PIEZO1: variants seen among roughly 807,000 people sequenced by gnomAD.
PIEZO1 encodes the protein piezo type mechanosensitive ion channel component 1 (Er blood group).
A neutral mutation model predicts 297.2 loss-of-function variants in PIEZO1; 296 were observed. That is an observed-to-expected ratio of 1.00 (90% CI 0.91 to 1.10). The LOEUF (loss-of-function observed/expected upper bound fraction) is 1.10. Ranked by LOEUF, PIEZO1 falls within the 50% of genes least tolerant of loss-of-function variation. The probability of loss-of-function intolerance (pLI) is 0.00; values close to 1 mark genes in which losing one functional copy is unlikely to be tolerated. For synonymous variants in PIEZO1, 2,427 were observed against 1,507.5 expected (o/e 1.61, Z -14.13); for missense variants, 5,018 against 3,455.5 (o/e 1.45, Z -11.34).
chr16:88,778,034 G>GT (rs1907746639), intron 1 of PIEZO1, among the ~76,000 whole-genome samples: 1 of 152,234 alleles, frequency 6.6e-6, no homozygotes, highest in Non-Finnish European at 1.5e-5. Context: ...CTGGGAATCT[G>GT]TTTAAGTCAC....
chr16:88,736,052 G>A (rs776348548), intron 12 of PIEZO1, 96 bp downstream of exon 12: 21 of 1,253,518 alleles, frequency 1.7e-5, no homozygotes, highest in African/African-American at 6.0e-5. Flanking sequence ...CCTTCTTGGC[G>A]CTGCCACTCC....
Position 88,719,886 on chromosome 16 carries a change from T to A in PIEZO1, c.6239A>T (p.Gln2080Leu). Residue 2080 changes from glutamine (Q) to leucine (L), a missense_variant, in exon 43 of 51, where the codon CAG becomes CTG. Gln to Leu is a moderately radical substitution (Grantham distance 113). Coordinates refer to ENST00000301015, the MANE Select transcript of PIEZO1 (RefSeq NM_001142864.4). ...KCIYFALSAY[Q>L]IRCGYPTRIL... ...GCGGGTGGGGTAGCCGCAGCGGATC[T>A]GGTAGGCGGACAGGGCGAAGTAGAT... 1 of 1,550,526 alleles carries A rather than the reference T, an allele frequency of 6.4e-7. No homozygotes were observed. The highest frequency in any genetic ancestry group is 8.7e-7 in the Non-Finnish European group (1 of 1,146,944).
chr16:88,720,286 G>A lies in PIEZO1; in HGVS notation c.5950-3C>T. ...ATGTCTGTGGCCGCCGAGTGCTTCT[G>A]TGGCCAGGAGAGCACAGGTCAGGGG... is the stretch of plus-strand genomic sequence containing the variant. On this transcript the variant is annotated splice_polypyrimidine_tract_variant and splice_region_variant and intron_variant, in intron 41 of 50. Coordinates refer to ENST00000301015, the MANE Select transcript of PIEZO1 (RefSeq NM_001142864.4). The A allele has an allele frequency of 6.5e-7, 1 of 1,550,352 alleles. No homozygotes were observed. The highest frequency in any genetic ancestry group is 1.2e-5 in the South Asian group (1 of 84,066).
Position 88,734,469 on chromosome 16 carries a change from G to C in PIEZO1, c.2067C>G (p.Phe689Leu). Residue 689 changes from phenylalanine to leucine, a missense_variant, in exon 16 of 51, where the codon TTC becomes TTG. Phe to Leu is a conservative substitution (Grantham distance 22). Transcript: ENST00000301015. Reference sequence around the variant, plus strand: ...GCTGCAGGATGCAGGCCAGGAGGAAGAAGCCGGGCACCAGGATGCTGGAGA... The same window carrying C: ...GCTGCAGGATGCAGGCCAGGAGGAACAAGCCGGGCACCAGGATGCTGGAGA... Reference protein sequence around the residue: ...ELFSSILVPGFFLLACILQLH... With the variant: ...ELFSSILVPGLFLLACILQLH... 6.5e-7 allele frequency: 1 copy of C among 1,549,948 alleles called. No homozygotes were observed. The highest frequency in any genetic ancestry group is 1.2e-5 in the South Asian group (1 of 84,052).
At chr16:88,775,347 G>A (rs569803481) in intron 1 of PIEZO1, among the ~76,000 whole-genome samples, 11 of 152,370 alleles carry the variant, frequency 7.2e-5, no homozygotes, top group Admixed American at 7.2e-4. Flanking sequence ...CCCACACAGG[G>A]AGAGGACGTT....
chr16:88,719,801 C>A lies in PIEZO1; in HGVS notation c.6323+1G>T, dbSNP rs1912300163. 1.9e-6 allele frequency: 3 copies of A among 1,550,398 alleles called. No individual in the cohort carries two copies. Among genetic ancestry groups the A allele is most frequent in the Non-Finnish European group, 2.6e-6 (3 of 1,146,950 alleles). On this transcript the variant is annotated splice_donor_variant, in intron 43 of 50. Transcript: ENST00000301015. LOFTEE classifies it high-confidence loss of function. Reference sequence around the variant, plus strand: ...CCCCACCCCGGCGGACCTGCACTCACCCCTGGAAGAGGAAGAGGTTGAGAT... The same window carrying A: ...CCCCACCCCGGCGGACCTGCACTCAACCCTGGAAGAGGAAGAGGTTGAGAT...
At chr16:88,767,681 G>A (rs563214072) in intron 1 of PIEZO1, among the ~76,000 whole-genome samples, 1 of 152,184 alleles carries the variant, frequency 6.6e-6, no homozygotes, top group Non-Finnish European at 1.5e-5. Context: ...CCCTGGCTCA[G>A]AGGAACCAGG....
At position 88,720,715 on chromosome 16, in the gene PIEZO1, TCCTC is replaced by T. The variant is rs1210955674; in HGVS notation, c.5698_5701del (p.Glu1900LysfsTer20). On this transcript the variant is annotated frameshift_variant, in exon 40 of 51. Coordinates refer to ENST00000301015, the MANE Select transcript of PIEZO1 (RefSeq NM_001142864.4). LOFTEE classifies it high-confidence loss of function. Reference sequence around the variant, plus strand: ...TCTCCCCGTGGGGGCCTCTTTCTCTTCCTCCCCCTCTTCTTCCTCCCTGTCCTCA... The same window carrying T: ...TCTCCCCGTGGGGGCCTCTTTCTCTTCCCCTCTTCTTCCTCCCTGTCCTCA... 2.6e-6 allele frequency: 4 copies of T among 1,529,096 alleles called. No individual in the cohort carries two copies. The highest frequency in any genetic ancestry group is 3.5e-6 in the Non-Finnish European group (4 of 1,137,982). 94.7% of individuals were successfully genotyped at this position (1,529,096 alleles called of 1,614,324 possible).
intron 19 of PIEZO1, chr16:88,733,003 C>G (rs1904970189): frequency 1.7e-6 from 1 of 582,620 alleles, no homozygotes; most frequent in Non-Finnish European, 3.0e-6. Flanking sequence ...CTGACTGTCT[C>G]TCCCTGTCCA....
At chr16:88,755,407 G>A (rs897284736) in intron 1 of PIEZO1, among the ~76,000 whole-genome samples, 1 of 152,148 alleles carries the variant, frequency 6.6e-6, no homozygotes, top group Non-Finnish European at 1.5e-5. Context: ...GTCCTCGTAC[G>A]TTTCTTCCTA....
chr16:88,770,418 G>T (rs899653435), intron 1 of PIEZO1, among the ~76,000 whole-genome samples: 16 of 152,348 alleles, frequency 1.1e-4, no homozygotes, highest in African/African-American at 3.6e-4. Flanking sequence ...TGGGGTGGGG[G>T]GACGGGAGCG....
intron 1 of PIEZO1, among the ~76,000 whole-genome samples, chr16:88,767,915 C>T (rs1209352988): frequency 6.6e-6 from 1 of 152,216 alleles, no homozygotes; most frequent in Non-Finnish European, 1.5e-5. Flanking sequence ...TCGCAGACTT[C>T]CCGGGCTCCC....
At chr16:88,776,310 T>A (rs1462347321) in intron 1 of PIEZO1, among the ~76,000 whole-genome samples, 1 of 151,904 alleles carries the variant, frequency 6.6e-6, no homozygotes, top group Non-Finnish European at 1.5e-5. Flanking sequence ...GGTGGGCGCC[T>A]GTAGTCCCAG....
At chr16:88,718,024 A>C (rs968780107) in intron 44 of PIEZO1, 2 of 326,504 alleles carry the variant, frequency 6.1e-6, no homozygotes, top group Non-Finnish European at 1.2e-5. Context: ...CAGAGGCTAC[A>C]GTGAGTGAAG....
rs534245416 is a variant in PIEZO1, at chr16:88,760,716, G to A, written c.65-11237C>T. ...AGCGGAGACACCCGCCTTTGACGCA[G>A]CAGCACCCAGGGGGCCCGGGACAGG... On this transcript the variant is annotated intron_variant, in intron 1 of 50. Transcript: ENST00000301015. 1.4e-4 allele frequency among the ~76,000 whole-genome samples: 22 copies of A among 152,302 alleles called. No homozygotes were observed. The South Asian group carries it at 4.1e-3, about 29-fold the overall frequency.
At chr16:88,777,217 C>T (rs751906469) in intron 1 of PIEZO1, among the ~76,000 whole-genome samples, 14 of 152,366 alleles carry the variant, frequency 9.2e-5, no homozygotes, top group Admixed American at 7.8e-4. Flanking sequence ...GGGATCCACC[C>T]GTCTCGGCCT....
rs764731290 is a variant in PIEZO1 at position 88,737,643 on chromosome 16, C to T, written c.1111G>A (p.Val371Met). Reference sequence around the variant, plus strand: ...TCGGTGTCGGGTGCTGTGGGCACCACGTGCTGTGGGCAAGCAGCGCTGAGC... The same window carrying T: ...TCGGTGTCGGGTGCTGTGGGCACCATGTGCTGTGGGCAAGCAGCGCTGAGC... Reference protein sequence around the residue: ...WPQERESDQHVVPTAPDTEAD... With the variant: ...WPQERESDQHMVPTAPDTEAD... The change falls in exon 10 of 51, where the codon GTG becomes ATG. Residue 371 changes from valine (V) to methionine (M), a missense_variant. Coordinates refer to ENST00000301015, the MANE Select transcript of PIEZO1 (RefSeq NM_001142864.4). 45 of 1,534,444 alleles carry T rather than the reference C, an allele frequency of 2.9e-5. No individual in the cohort carries two copies. In the East Asian group the frequency reaches 6.4e-4, roughly 22 times the overall value.
intron 23 of PIEZO1, among the ~76,000 whole-genome samples, 178 bp downstream of exon 23, chr16:88,727,379 G>T (rs914684441): frequency 1.3e-5 from 2 of 152,182 alleles, no homozygotes; most frequent in African/African-American, 4.8e-5. Context: ...CACAAGGGCT[G>T]CCGTGCACAC....
intron 22 of PIEZO1, 101 bp downstream of exon 22, chr16:88,731,605 G>A (rs2142802639): frequency 1.1e-6 from 1 of 880,600 alleles, no homozygotes; most frequent in East Asian, 2.6e-5. Context: ...CCAAGGCTAA[G>A]TCTAGGAGGG....
Sources: gnomAD v4.1 joint callset for allele counts (sites outside exome capture counted in the v4.1 genomes callset) on GRCh38, gnomAD v4.1.1 for gene constraint, MANE v1.5 for transcripts, NCBI Gene and HGNC (gene_info 2026-07-23, HGNC 2026-07-21) for gene names.